The following USH2A variants were observed in gnomAD, a reference collection of about 807,000 sequenced individuals.
USH2A encodes Usher syndrome 2A (autosomal recessive, mild).
USH2A carries 443 observed loss-of-function variants against 538.9 expected under a neutral mutation model. That is an observed-to-expected ratio of 0.82 (90% CI 0.76 to 0.89). USH2A has a LOEUF of 0.89. USH2A is among the 40% of genes least tolerant of loss of function. The pLI, the probability that USH2A is intolerant of heterozygous loss-of-function variation, is 0.00. For synonymous variants in USH2A, 2,413 were observed against 2,273.5 expected (o/e 1.06, Z -1.75); for missense variants, 6,633 against 6,324.8 (o/e 1.05, Z -1.65).
chr1:216,231,245 TATATTATATATATA>T (rs1351316223), intron 14 of USH2A, among the ~76,000 whole-genome samples: 3 of 67,462 alleles, frequency 4.4e-5, no homozygotes, highest in Non-Finnish European at 5.9e-5. Flanking sequence ...TATATATATA[TATATTATATATATA>T]ATATATATAT....
At chr1:216,017,390 C>A (rs565107099) in intron 32 of USH2A, among the ~76,000 whole-genome samples, 4 of 152,150 alleles carry the variant, frequency 2.6e-5, no homozygotes, top group Non-Finnish European at 5.9e-5. Context: ...AGGAGATAAT[C>A]GAGATAACTT....
intron 21 of USH2A, among the ~76,000 whole-genome samples, chr1:216,156,485 G>T (rs948912334): frequency 2.0e-5 from 3 of 151,608 alleles, no homozygotes; most frequent in Admixed American, 2.0e-4. Context: ...AAAATAAAGT[G>T]CACTAATTAT....
intron 38 of USH2A, among the ~76,000 whole-genome samples, chr1:215,904,653 A>G (rs767235166): frequency 1.1e-4 from 17 of 152,048 alleles, no homozygotes; most frequent in Non-Finnish European, 1.9e-4. Flanking sequence ...TCTGTTGCTC[A>G]AAGAACTTCT....
chr1:215,682,384 T>G (rs1264254856), intron 61 of USH2A, among the ~76,000 whole-genome samples: 1 of 152,140 alleles, frequency 6.6e-6, no homozygotes, highest in Admixed American at 6.5e-5. Flanking sequence ...TGCTCAATTA[T>G]AATTTATTTC....
At chr1:216,374,709 A>G (rs1323275393) in intron 3 of USH2A, among the ~76,000 whole-genome samples, 1 of 152,076 alleles carries the variant, frequency 6.6e-6, no homozygotes, top group East Asian at 1.9e-4. Context: ...AATTACTCTC[A>G]ATATGTATTT....
At chr1:215,936,427 G>A (rs1666499788) in intron 37 of USH2A, among the ~76,000 whole-genome samples, 1 of 151,996 alleles carries the variant, frequency 6.6e-6, no homozygotes, top group Non-Finnish European at 1.5e-5. Flanking sequence ...ACTTGTTCTT[G>A]TATTCTTTAG....
intron 3 of USH2A, among the ~76,000 whole-genome samples, chr1:216,407,523 T>C (rs568477069): frequency 2.2e-4 from 34 of 152,246 alleles, no homozygotes; most frequent in African/African-American, 7.2e-4. Context: ...CTTTTGAATG[T>C]TGCACTTTAG....
intron 20 of USH2A, among the ~76,000 whole-genome samples, chr1:216,176,772 A>G (rs922538902): frequency 4.6e-5 from 7 of 152,106 alleles, no homozygotes; most frequent in Non-Finnish European, 5.9e-5. Context: ...CCTTTTCCAG[A>G]AAGTCATATA....
At chr1:215,786,041 A>G (rs1661791435) in intron 52 of USH2A, among the ~76,000 whole-genome samples, 1 of 152,148 alleles carries the variant, frequency 6.6e-6, no homozygotes, top group Non-Finnish European at 1.5e-5. Context: ...CACAAATTTA[A>G]TTGATGGCAG....
chr1:216,401,463 T>A (rs900462466), intron 3 of USH2A, among the ~76,000 whole-genome samples: 3 of 152,052 alleles, frequency 2.0e-5, no homozygotes, highest in African/African-American at 7.2e-5. Flanking sequence ...GTAAATGGTC[T>A]AAATATACAA....
chr1:216,163,646 C>T (rs111459721), intron 21 of USH2A, among the ~76,000 whole-genome samples: 1 of 151,638 alleles, frequency 6.6e-6, no homozygotes, highest in African/African-American at 2.4e-5. Context: ...ACTTTTATCT[C>T]AGTATAATTA....
In USH2A at chr1:215,817,140, A is replaced by G. The variant is rs1025018222; in HGVS notation, c.9427T>C (p.Tyr3143His). The stretch of plus-strand genomic sequence containing the variant: ...TACCATGTTTTCCATAGGAGATCAT[A>G]TCCAAGAATGATGCCATTTGGCTTC... ...PRKPNGIILG[Y>H]DLLWKTWYPC... Residue 3143 changes from tyrosine to histidine, a missense_variant, in exon 48 of 72, where the codon TAT (tyrosine) becomes CAT (histidine). Coordinates refer to ENST00000307340, the MANE Select transcript of USH2A (RefSeq NM_206933.4). 6.2e-7 allele frequency: 1 copy of G among 1,612,772 alleles called. No individual in the cohort carries two copies. Among genetic ancestry groups the G allele is most frequent in the African/African-American group, 1.3e-5 (1 of 74,870 alleles).
chr1:215,975,787 TGGCTCTTTTTG>T (rs1414592093), intron 35 of USH2A, among the ~76,000 whole-genome samples: 7 of 152,206 alleles, frequency 4.6e-5, no homozygotes, highest in African/African-American at 1.2e-4. Flanking sequence ...AGAATTGCTT[TGGCTCTTTTTG>T]GGCTCTTTTT....
chr1:216,007,755 C>T (rs1558208099), intron 32 of USH2A, among the ~76,000 whole-genome samples: 1 of 152,200 alleles, frequency 6.6e-6, no homozygotes, highest in Non-Finnish European at 1.5e-5. Flanking sequence ...TCCTGGGTGG[C>T]CACACTCCAG....
chr1:215,862,660 G>T (rs1341597044), intron 44 of USH2A, among the ~76,000 whole-genome samples: 1 of 152,098 alleles, frequency 6.6e-6, no homozygotes, highest in East Asian at 1.9e-4. Context: ...TATATAAAAT[G>T]GTATTGAAAG....
At position 216,198,575 on chromosome 1, in the gene USH2A, A is replaced by G. The variant is rs1028444800; in HGVS notation, c.3821T>C (p.Ile1274Thr). 3.1e-6 allele frequency: 5 copies of G among 1,612,858 alleles called. No homozygotes were observed. The East Asian group carries it at 6.7e-5, about 22-fold the overall frequency. ...SPPAELNGII[I>T]RYELYMRRLR... ...TCTTCTCATGTATAGTTCATATCTT[A>G]TAATTATTCCTAGAGAAATTAAATA... The change falls in exon 18 of 72, where the codon ATA becomes ACA. Residue 1274 changes from isoleucine (I) to threonine (T), a missense_variant. Transcript: ENST00000307340.
intron 38 of USH2A, among the ~76,000 whole-genome samples, chr1:215,912,481 A>ATATATATGTGTGTATATATATATATG (rs1558157917): frequency 5.1e-5 from 1 of 19,718 alleles, no homozygotes; most frequent in Non-Finnish European, 1.1e-4. Context: ...ATATACGTAT[A>ATATATATGTGTGTATATATATATATG]TATATATATG....
chr1:216,038,604 A>G (rs2030106901), intron 32 of USH2A, among the ~76,000 whole-genome samples: 1 of 152,054 alleles, frequency 6.6e-6, no homozygotes, highest in African/African-American at 2.4e-5. Flanking sequence ...CCACAAAATG[A>G]GGAGCTTTAC....
At chr1:215,661,038 T>C (rs1441762176) in intron 64 of USH2A, among the ~76,000 whole-genome samples, 2 of 152,242 alleles carry the variant, frequency 1.3e-5, no homozygotes, top group Non-Finnish European at 2.9e-5. Flanking sequence ...CCTCCTTAAG[T>C]CTTCAGATTT....
Sources: gnomAD v4.1 joint callset for allele counts (sites outside exome capture counted in the v4.1 genomes callset) on GRCh38, gnomAD v4.1.1 for gene constraint, MANE v1.5 for transcripts, NCBI Gene and HGNC (gene_info 2026-07-23, HGNC 2026-07-21) for gene names.